VPS52: variants seen among roughly 807,000 people sequenced by gnomAD.
VPS52 encodes the protein vacuolar protein sorting-associated protein 52 homolog.
A neutral mutation model predicts 98.7 loss-of-function variants in VPS52; 56 were observed. The ratio of observed to expected loss-of-function variants is 0.57; its 90% confidence interval spans 0.46 to 0.71. The LOEUF (loss-of-function observed/expected upper bound fraction) is 0.71. Among genes scored for constraint, VPS52 ranks in the 30% least tolerant of loss-of-function variants. VPS52 has a pLI of 0.00. For synonymous variants in VPS52, 348 were observed against 346.4 expected, an observed-to-expected ratio of 1.00 and a Z score of -0.05; for missense variants, 742 against 925.9, an observed-to-expected ratio of 0.80 and a Z score of 2.58.
intron 1 of VPS52, chr6:33,271,055 AGAC>A: frequency 4.2e-6 from 1 of 238,578 alleles, no homozygotes; most frequent in Non-Finnish European, 8.3e-6. Flanking sequence ...TAAGACCCTC[AGAC>A]TCCTGCCATC....
rs1199234247 is a variant in VPS52 at position 33,270,396 on chromosome 6, C to T, written c.91-113G>A. Reference sequence around the variant, plus strand: ...AAGGAGCTGCTTTTACTGGGAGCCACAGGTACTGCTTTGAAAAATTCTAAG... The same window carrying T: ...AAGGAGCTGCTTTTACTGGGAGCCATAGGTACTGCTTTGAAAAATTCTAAG... On this transcript the variant is annotated intron_variant, in intron 1 of 19. Coordinates refer to ENST00000445902, the MANE Select transcript of VPS52 (RefSeq NM_022553.6). 3.1e-6 allele frequency: 3 copies of T among 978,120 alleles called. No homozygotes were observed. The East Asian group carries it at 7.4e-5, about 24-fold the overall frequency. 60.6% of individuals were successfully genotyped at this position (978,120 alleles called of 1,614,324 possible). A position where few individuals can be genotyped will look rare whatever the true frequency, so the allele number is the denominator to read the frequency against.
At chr6:33,253,397 G>T (rs893074992) in intron 17 of VPS52, among the ~76,000 whole-genome samples, 1 of 151,682 alleles carries the variant, frequency 6.6e-6, no homozygotes, top group Non-Finnish European at 1.5e-5. Context: ...GACTGAGGCA[G>T]GAGAATTGCT....
chr6:33,254,245 G>C (rs1762666450), intron 17 of VPS52, among the ~76,000 whole-genome samples: 1 of 152,108 alleles, frequency 6.6e-6, no homozygotes, highest in Non-Finnish European at 1.5e-5. Context: ...CTGCACTCCA[G>C]CCTGGGCGAC....
intron 17 of VPS52, 49 bp from the exon 18 acceptor site, chr6:33,252,020 T>C: frequency 1.3e-6 from 2 of 1,536,022 alleles, no homozygotes; most frequent in Non-Finnish European, 1.8e-6. Context: ...GTCAGCAGAT[T>C]TGCCCAATTC....
Position 33,267,925 on chromosome 6 carries a change from C to T in VPS52, c.873G>A (p.Thr291=), listed in dbSNP as rs775420857. The T allele has an allele frequency of 9.9e-6, 16 of 1,612,992 alleles. No homozygotes were observed. In the East Asian group the frequency reaches 1.1e-4, roughly 11 times the overall value. Residue 291 remains threonine, a synonymous_variant, in exon 9 of 20, where the codon ACG becomes ACA. Transcript: ENST00000445902. The surrounding 1 kb of genome is among the most constrained non-coding windows in gnomAD (Gnocchi z 4.2). ...AGTAAGACAGGTAAATCTTGCTCAG[C>T]GTCTCCACATATTCATCCCTGATCT... The part of the protein sequence containing the change: ...AKEIRDEYVE[T]LSKIYLSYYR...
chr6:33,251,910 G>A lies in VPS52; in HGVS notation c.1856C>T (p.Ala619Val). ...FGGLVAFVKE[A>V]EALIERGQAE... ...CTGTCCACGCTCAATCAAAGCCTCA[G>A]CCTCCTTCACAAATGCCACTAAACC... is the stretch of plus-strand genomic sequence containing the variant. The change falls in exon 18 of 20, where the codon GCT becomes GTT. Residue 619 changes from alanine (A) to valine (V), a missense_variant. By Grantham distance (64) the Ala-to-Val change is moderately conservative. Around this residue, in one of 2 missense-constraint regions of VPS52, gnomAD observed 590 missense variants for 793.3 expected, o/e 0.74. Transcript: ENST00000445902. 2 of 1,613,176 alleles carry A rather than the reference G, an allele frequency of 1.2e-6. No homozygotes were observed. Among genetic ancestry groups the A allele is most frequent in the Non-Finnish European group, 1.7e-6 (2 of 1,180,036 alleles).
chr6:33,258,563 A>C (rs1763276223), intron 17 of VPS52, among the ~76,000 whole-genome samples: 2 of 152,064 alleles, frequency 1.3e-5, no homozygotes, highest in Non-Finnish European at 2.9e-5. Flanking sequence ...GAACTCTTAT[A>C]AATAAAAAAT....
At position 33,263,833 on chromosome 6, in the gene VPS52, G is replaced by A. The variant is rs777759336; in HGVS notation, c.1667C>T (p.Ser556Leu). The part of the protein sequence containing the change: ...FVLRVAAEFS[S>L]RKEQLVFLIN... ...CAGAAACACAAGCTGCTCCTTCCTT[G>A]AGGAGAACTCAGCTGCCACTCGGAG... The change falls in exon 16 of 20, where the codon TCA becomes TTA. Residue 556 changes from serine (S) to leucine (L), a missense_variant. Ser to Leu is a moderately radical substitution (Grantham distance 145, BLOSUM62 -2). Transcript: ENST00000445902. 6.2e-7 allele frequency: 1 copy of A among 1,614,148 alleles called. No homozygotes were observed. Among genetic ancestry groups the A allele is most frequent in the Non-Finnish European group, 8.5e-7 (1 of 1,180,034 alleles).
rs1359917511 is a variant in VPS52 at position 33,263,283 on chromosome 6, A to AC, written c.1794+200_1794+201insG. On this transcript the variant is annotated intron_variant, in intron 17 of 19. Coordinates refer to ENST00000445902, the MANE Select transcript of VPS52 (RefSeq NM_022553.6). Reference sequence around the variant, plus strand: ...TGCCTCAAAAAAAAAAAAAAAAAAAAACCAAAGACAAAATAAAATAAAATA... The same window carrying AC: ...TGCCTCAAAAAAAAAAAAAAAAAAAACACCAAAGACAAAATAAAATAAAATA... 3.5e-4 allele frequency among the ~76,000 whole-genome samples: 52 copies of AC among 150,578 alleles called. 1 individual carries two copies. In the South Asian group the frequency reaches 4.8e-3, roughly 14 times the overall value.
intron 17 of VPS52, among the ~76,000 whole-genome samples, chr6:33,263,263 CA>C (rs750569619): frequency 0.072 from 3,180 of 44,422 alleles, 37 homozygotes; most frequent in African/African-American, 0.13. Context: ...CACTTTGCCT[CA>C]AAAAAAAAAA....
chr6:33,271,799 T>A lies in VPS52; in HGVS notation c.-124A>T. On this transcript the variant is annotated 5_prime_UTR_variant, in exon 1 of 20. Transcript: ENST00000445902. ...TCCCAGATATTTGAGTTAAGTTGTT[T>A]GACTCCAGCTGTCCCCTTTCAGCTC... The A allele has an allele frequency of 1.4e-6, 2 of 1,458,352 alleles. No homozygotes were observed. The highest frequency in any genetic ancestry group is 1.4e-5 in the African/African-American group (1 of 70,482). 90.3% of individuals were successfully genotyped at this position (1,458,352 alleles called of 1,614,324 possible).
At position 33,270,228 on chromosome 6, in the gene VPS52, G is replaced by A; in HGVS notation, c.146C>T (p.Ser49Phe). The A allele has an allele frequency of 6.2e-7, 1 of 1,613,572 alleles. No homozygotes were observed. The highest frequency in any genetic ancestry group is 1.1e-5 in the South Asian group (1 of 91,082). Residue 49 changes from serine (S) to phenylalanine (F), a missense_variant, in exon 2 of 20, where the codon TCT (serine) becomes TTT (phenylalanine). Coordinates refer to ENST00000445902, the MANE Select transcript of VPS52 (RefSeq NM_022553.6). Reference protein sequence around the residue: ...PLQLGELDITSDEFILDEVDV... With the variant: ...PLQLGELDITFDEFILDEVDV... ...CACTTCATCCAGGATGAATTCATCAGAAGTGATATCCAACTCCCCAAGTTG... is the reference window on the plus strand; with the variant it reads ...CACTTCATCCAGGATGAATTCATCAAAAGTGATATCCAACTCCCCAAGTTG...
chr6:33,270,367 T>C (rs1764864197), intron 1 of VPS52, 84 bp from the exon 2 acceptor site: 26 of 1,297,686 alleles, frequency 2.0e-5, no homozygotes, highest in Non-Finnish European at 2.8e-5. Flanking sequence ...GTCCTTCAAG[T>C]GAGAAGGAGC....
intron 17 of VPS52, among the ~76,000 whole-genome samples, chr6:33,253,687 C>T (rs1323391576): frequency 6.6e-6 from 1 of 151,658 alleles, no homozygotes; most frequent in Non-Finnish European, 1.5e-5. Context: ...CCCAGGAGTT[C>T]GAGGCTGCAG....
In VPS52 at chr6:33,264,880, T is replaced by A. The variant is rs1764108438; in HGVS notation, c.1302A>T (p.Leu434=). ...CAGCAATGGCATCGTAGCAGTCAGC[T>A]AGATAAGAATCCAGGTGTTTCTGTG... ...SMTLKHLDSY[L]ADCYDAIAVF... Residue 434 remains leucine, a synonymous_variant, in exon 13 of 20, where the codon CTA becomes CTT. Coordinates refer to ENST00000445902, the MANE Select transcript of VPS52 (RefSeq NM_022553.6). The A allele has an allele frequency of 1.2e-6, 2 of 1,612,872 alleles. No homozygotes were observed. Among genetic ancestry groups the A allele is most frequent in the Middle Eastern group, 1.6e-4 (1 of 6,084 alleles).
chr6:33,266,851 C>CT (rs1204683755), intron 11 of VPS52, 139 bp from the exon 12 acceptor site: 22 of 1,181,438 alleles, frequency 1.9e-5, no homozygotes, highest in African/African-American at 6.2e-5. Flanking sequence ...TCCGGGCTGT[C>CT]TAAGAGCAAG....
At chr6:33,251,451 C>A (rs1348079984) in intron 19 of VPS52, 67 bp downstream of exon 19, 5 of 1,134,540 alleles carry the variant, frequency 4.4e-6, no homozygotes, top group Non-Finnish European at 6.6e-6. Flanking sequence ...ATGCTGAGCC[C>A]AGCAAAAAGA....
chr6:33,271,223 G>A (rs1030484175), intron 1 of VPS52: 23 of 602,074 alleles, frequency 3.8e-5, no homozygotes, highest in Middle Eastern at 3.6e-4. Context: ...CCTTAAAGGT[G>A]TGAGAAATGA....
intron 1 of VPS52, 65 bp from the exon 2 acceptor site, chr6:33,270,348 A>G: frequency 6.9e-7 from 1 of 1,456,172 alleles, no homozygotes; most frequent in Non-Finnish European, 9.5e-7. Context: ...ATATAATTGG[A>G]TATCCCCAGT....
Sources: allele counts gnomAD v4.1 joint callset (sites outside exome capture counted in the v4.1 genomes callset), GRCh38; gene constraint gnomAD v4.1.1; regional missense constraint gnomAD v4.1.1; non-coding constraint Gnocchi (gnomAD v3.1); transcripts MANE v1.5; gene names NCBI Gene and HGNC (gene_info 2026-07-23, HGNC 2026-07-21).